The following FBXW2 variants were observed in gnomAD, a reference collection of about 807,000 sequenced individuals.
FBXW2 encodes F-box and WD repeat domain containing 2.
Under a neutral mutation model 46.0 loss-of-function variants are expected in FBXW2, and 12 were observed. That is an observed-to-expected ratio of 0.26 (90% CI 0.17 to 0.42). The LOEUF (loss-of-function observed/expected upper bound fraction) is 0.42. Ranked by LOEUF, FBXW2 falls within the 10% of genes least tolerant of loss-of-function variation. The probability of loss-of-function intolerance (pLI) is 1.00; values close to 1 mark genes in which losing one functional copy is unlikely to be tolerated. For missense variants in FBXW2, 360 were observed against 537.0 expected (o/e 0.67, Z 3.26); for synonymous variants, 203 against 209.6 (o/e 0.97, Z 0.27).
chr9:120,777,201 T>C (rs376442609), intron 4 of FBXW2, among the ~76,000 whole-genome samples: 5 of 152,358 alleles, frequency 3.3e-5, no homozygotes. Flanking sequence ...TGGTACATCT[T>C]AACATTGTGG....
rs1388571617 is a variant in FBXW2, at chr9:120,757,622, G to A, written c.*6937C>T. On this transcript the variant is annotated 3_prime_UTR_variant, in exon 8 of 8. Transcript: ENST00000608872. ...TTGCAGTACATAAATCCATACACAT[G>A]TGCATAAGGATTAGAAGAGAGTATT... 6.6e-6 allele frequency: 1 copy of A among 152,164 alleles called. No individual in the cohort carries two copies. The highest frequency in any genetic ancestry group is 6.6e-5 in the Admixed American group (1 of 15,266). The allele number at this position is 152,164 out of a possible 1,614,324, so 9.4% of individuals were successfully genotyped here. A position where few individuals can be genotyped will look rare whatever the true frequency, so the allele number is the denominator to read the frequency against.
At chr9:120,783,206 G>T (rs147314277) in intron 3 of FBXW2, among the ~76,000 whole-genome samples, 3,909 of 152,212 alleles carry the variant, frequency 0.026, 79 homozygotes, top group Non-Finnish European at 0.038. Context: ...ATCAGGTTGA[G>T]TCGAGTTCCA....
Position 120,759,706 on chromosome 9 carries a change from CA to C in FBXW2, c.*4852del, listed in dbSNP as rs2044168307. 1.3e-5 allele frequency: 2 copies of C among 152,196 alleles called. No individual in the cohort carries two copies. The highest frequency in any genetic ancestry group is 4.1e-4 in the South Asian group (2 of 4,838). The allele number at this position is 152,196 out of a possible 1,614,324, so 9.4% of individuals were successfully genotyped here. On this transcript the variant is annotated 3_prime_UTR_variant, in exon 8 of 8. Transcript: ENST00000608872. ...ATTTTCCAGGGTTGAATATTAAAAA[CA>C]CATATTTACTTGGGCACATTTATGA...
chr9:120,791,546 G>A (rs939749816), intron 2 of FBXW2, among the ~76,000 whole-genome samples: 1 of 152,126 alleles, frequency 6.6e-6, no homozygotes. Context: ...ACAGTCTAGC[G>A]GGTAAAAACT....
intron 2 of FBXW2, chr9:120,792,618 T>C (rs545661612): frequency 4.8e-6 from 1 of 206,210 alleles, no homozygotes; most frequent in African/African-American, 2.3e-5. Context: ...ATAATGTTTA[T>C]AAAATATGTG....
At chr9:120,786,247 G>A (rs749522815) in intron 3 of FBXW2, among the ~76,000 whole-genome samples, 13 of 152,144 alleles carry the variant, frequency 8.5e-5, no homozygotes, top group Non-Finnish European at 1.9e-4. Context: ...GGACAGACTT[G>A]GTGGGAGGTG....
At position 120,764,541 on chromosome 9, in the gene FBXW2, C is replaced by T. The variant is rs560331311; in HGVS notation, c.*18G>A. On this transcript the variant is annotated 3_prime_UTR_variant, in exon 8 of 8. Transcript: ENST00000608872. The stretch of plus-strand genomic sequence containing the variant: ...AGCCCCGGCACCCAAAGTCAGTCAG[C>T]GGTGGTGGCTCATGGTGTCAGCCGT... 15 of 1,599,562 alleles carry T rather than the reference C, an allele frequency of 9.4e-6. No individual in the cohort carries two copies. Among genetic ancestry groups the T allele is most frequent in the East Asian group, 6.7e-5 (3 of 44,532 alleles).
rs1194198165 is a variant in FBXW2, at chr9:120,793,366, C to G, written c.-142G>C. On this transcript the variant is annotated 5_prime_UTR_variant, in exon 1 of 8. Coordinates refer to ENST00000608872, the MANE Select transcript of FBXW2 (RefSeq NM_012164.4). ...CTCGCATACAGACCCGGACCTGCGG[C>G]CGCTGCTCCCGGTCCGCAGCCTCAC... 1 of 401,188 alleles carries G rather than the reference C, an allele frequency of 2.5e-6. No homozygotes were observed. The allele number at this position is 401,188 out of a possible 1,614,324, so 24.9% of individuals were successfully genotyped here.
In FBXW2 at chr9:120,793,165, G is replaced by C. The variant is rs2131396894; in HGVS notation, c.-37C>G. On this transcript the variant is annotated 5_prime_UTR_variant, in exon 2 of 8. Coordinates refer to ENST00000608872, the MANE Select transcript of FBXW2 (RefSeq NM_012164.4). ...GGCACTGACCTGAGCGAGCGCCCCG[G>C]GGCCCGGGACCTCGCGCCGGGTTCA... The C allele has an allele frequency of 1.7e-6, 1 of 581,988 alleles. No individual in the cohort carries two copies. The highest frequency in any genetic ancestry group is 3.0e-6 in the Non-Finnish European group (1 of 331,526). The allele number at this position is 581,988 out of a possible 1,614,324, so 36.1% of individuals were successfully genotyped here.
At chr9:120,775,677 T>C (rs1299949136) in intron 5 of FBXW2, among the ~76,000 whole-genome samples, 1 of 152,234 alleles carries the variant, frequency 6.6e-6, no homozygotes, top group African/African-American at 2.4e-5. Context: ...CTTGTAAGCG[T>C]TATTTTTTCA....
At position 120,787,922 on chromosome 9, in the gene FBXW2, C is replaced by T; in HGVS notation, c.337G>A (p.Val113Ile). The T allele has an allele frequency of 1.2e-6, 2 of 1,614,232 alleles. No individual in the cohort carries two copies. Among genetic ancestry groups the T allele is most frequent in the Non-Finnish European group, 1.7e-6 (2 of 1,180,050 alleles). The change falls in exon 3 of 8, where the codon GTT (valine) becomes ATT (isoleucine). Residue 113 changes from valine to isoleucine, a missense_variant. Coordinates refer to ENST00000608872, the MANE Select transcript of FBXW2 (RefSeq NM_012164.4). The part of the protein sequence containing the change: ...KNLGWQIDDS[V>I]QDALHWKKVY... ...TTCTTCCAGTGCAAAGCGTCCTGAA[C>T]AGAATCATCTATCTGCCAGCCCAAA... is the stretch of plus-strand genomic sequence containing the variant.
In FBXW2 at chr9:120,787,956, T is replaced by A; in HGVS notation, c.303A>T (p.Ala101=). 6.2e-7 allele frequency: 1 copy of A among 1,614,240 alleles called. No individual in the cohort carries two copies. The highest frequency in any genetic ancestry group is 8.5e-7 in the Non-Finnish European group (1 of 1,180,040). The change falls in exon 3 of 8, where the codon GCA becomes GCT. Residue 101 remains alanine, a synonymous_variant. Coordinates refer to ENST00000608872, the MANE Select transcript of FBXW2 (RefSeq NM_012164.4). ...ISACTEVWQT[A]CKNLGWQIDD... ...CTATCTGCCAGCCCAAATTTTTACA[T>A]GCAGTCTGCCACACCTCTGTACAGG...
chr9:120,790,682 A>G (rs778830126), intron 2 of FBXW2, among the ~76,000 whole-genome samples: 1 of 152,226 alleles, frequency 6.6e-6, no homozygotes, highest in Non-Finnish European at 1.5e-5. Context: ...CTACAAGGCA[A>G]ATTTAGAATA....
At chr9:120,779,879 C>T (rs577790426) in intron 3 of FBXW2, among the ~76,000 whole-genome samples, 1 of 152,264 alleles carries the variant, frequency 6.6e-6, no homozygotes, top group South Asian at 2.1e-4. Context: ...GGGCCGGGCG[C>T]AGTGGCTCAT....
At chr9:120,789,757 A>C (rs1355114962) in intron 2 of FBXW2, among the ~76,000 whole-genome samples, 2 of 152,228 alleles carry the variant, frequency 1.3e-5, no homozygotes, top group African/African-American at 4.8e-5. Flanking sequence ...AGGTGAGTAA[A>C]ATTGTAAGTG....
At chr9:120,766,784 G>C (rs1234825200) in intron 7 of FBXW2, among the ~76,000 whole-genome samples, 1 of 152,184 alleles carries the variant, frequency 6.6e-6, no homozygotes, top group East Asian at 1.9e-4. Context: ...TCATAATGCA[G>C]TTAGGTAGAG....
chr9:120,767,407 A>G (rs956907276), intron 7 of FBXW2, among the ~76,000 whole-genome samples: 2 of 152,202 alleles, frequency 1.3e-5, no homozygotes, highest in Non-Finnish European at 2.9e-5. Flanking sequence ...TCAATCACTG[A>G]ACACTCCCTA....
rs781653310 is a variant in FBXW2, at chr9:120,764,787, G to T, written c.1137C>A (p.Ala379=). The change falls in exon 8 of 8, where the codon GCC becomes GCA. Residue 379 remains alanine, a synonymous_variant. Transcript: ENST00000608872. The part of the protein sequence containing the change: ...LALLGFGDIF[A]LLFDNRYLYI... ...ACAGGTAGCGGTTGTCAAACAGCAG[G>T]GCAAAGATATCTCCAAAGCCAAGCA... The T allele has an allele frequency of 6.2e-7, 1 of 1,612,268 alleles. No homozygotes were observed. Among genetic ancestry groups the T allele is most frequent in the Admixed American group, 1.7e-5 (1 of 59,964 alleles).
chr9:120,787,201 C>T (rs1184956908), intron 3 of FBXW2, among the ~76,000 whole-genome samples: 2 of 152,106 alleles, frequency 1.3e-5, no homozygotes, highest in African/African-American at 2.4e-5. Flanking sequence ...GCTACTTTTT[C>T]GTATTTCAGT....
Sources: allele counts gnomAD v4.1 joint callset (sites outside exome capture counted in the v4.1 genomes callset), GRCh38; gene constraint gnomAD v4.1.1; transcripts MANE v1.5; gene names NCBI Gene and HGNC (gene_info 2026-07-23, HGNC 2026-07-21).